The following AAAS variants were observed in gnomAD, a reference collection of about 807,000 sequenced individuals.
AAAS encodes aladin.
A neutral mutation model predicts 75.6 loss-of-function variants in AAAS; 60 were observed. That is an observed-to-expected ratio of 0.79 (90% CI 0.64 to 0.98). The LOEUF is 0.98. AAAS is among the 50% of genes least tolerant of loss of function. The pLI, the probability that AAAS is intolerant of heterozygous loss-of-function variation, is 0.00. For missense variants in AAAS, 658 were observed against 686.9 expected (o/e 0.96, Z 0.47); for synonymous variants, 271 against 265.0 (o/e 1.02, Z -0.22).
chr12:53,308,361 G>A lies in AAAS; in HGVS notation c.1182-12C>T. 1.2e-6 allele frequency: 2 copies of A among 1,614,170 alleles called. No homozygotes were observed. The highest frequency in any genetic ancestry group is 8.5e-7 in the Non-Finnish European group (1 of 1,180,028). On this transcript the variant is annotated splice_polypyrimidine_tract_variant and intron_variant, in intron 12 of 15. Coordinates refer to ENST00000209873, the MANE Select transcript of AAAS (RefSeq NM_015665.6). ...CCTCTCCCCCAAGCCTGTGGGTAAG[G>A]ACAGGTTAGGAGAGTTTCAGTGTGG...
chr12:53,308,814 G>A lies in AAAS; in HGVS notation c.998C>T (p.Thr333Ile), dbSNP rs1485071406. 3.1e-6 allele frequency: 5 copies of A among 1,614,052 alleles called. No homozygotes were observed. Among genetic ancestry groups the A allele is most frequent in the Non-Finnish European group, 4.2e-6 (5 of 1,180,040 alleles). ...RWPTLSGRCQ[T>I]GCWSPDGSRL... The stretch of plus-strand genomic sequence containing the variant: ...GCTGCCATCTGGGCTCCAGCAGCCA[G>A]TCTGGGGTCAGGGAGCAAAAGGCAG... Residue 333 changes from threonine (T) to isoleucine (I), a missense_variant and splice_region_variant, in exon 11 of 16, where the codon ACT becomes ATT. Transcript: ENST00000209873.
chr12:53,321,531 C>A lies in AAAS; in HGVS notation c.-66G>T, dbSNP rs1944558323. 1.6e-5 allele frequency: 26 copies of A among 1,610,004 alleles called. No individual in the cohort carries two copies. Among genetic ancestry groups the A allele is most frequent in the Non-Finnish European group, 2.2e-5 (26 of 1,179,516 alleles). ...GCCGGAACGGCACAGACCGCACTCC[C>A]GCAACTCGGTTCCCGGGCTAGATTC... On this transcript the variant is annotated 5_prime_UTR_variant, in exon 1 of 16. Coordinates refer to ENST00000209873, the MANE Select transcript of AAAS (RefSeq NM_015665.6).
chr12:53,321,344 T>G lies in AAAS; in HGVS notation c.122A>C (p.Gln41Pro). Reference protein sequence around the residue: ...YESPPPDFRGQWINLPVLQLT... With the variant: ...YESPPPDFRGPWINLPVLQLT... ...CCCCTCCCTCCTCGCCCTGGCCACCTGGCCCCGGAAGTCGGGGGGCGGGCT... is the reference window on the plus strand; with the variant it reads ...CCCCTCCCTCCTCGCCCTGGCCACCGGGCCCCGGAAGTCGGGGGGCGGGCT... Residue 41 changes from glutamine (Q) to proline (P), a missense_variant and splice_region_variant, in exon 1 of 16, where the codon CAG becomes CCG. Coordinates refer to ENST00000209873, the MANE Select transcript of AAAS (RefSeq NM_015665.6). 1 of 1,613,630 alleles carries G rather than the reference T, an allele frequency of 6.2e-7. No homozygotes were observed. The highest frequency in any genetic ancestry group is 8.5e-7 in the Non-Finnish European group (1 of 1,179,882).
intron 2 of AAAS, among the ~76,000 whole-genome samples, chr12:53,320,093 G>A (rs1944530005): frequency 6.6e-6 from 1 of 151,980 alleles, no homozygotes; most frequent in Non-Finnish European, 1.5e-5. Context: ...ACTCCAGCCT[G>A]GGCAACAAGA....
chr12:53,313,531 C>T (rs1944420907), intron 7 of AAAS, among the ~76,000 whole-genome samples: 1 of 151,996 alleles, frequency 6.6e-6, no homozygotes, highest in African/African-American at 2.4e-5. Flanking sequence ...AAACTCCTGA[C>T]CTCAGGTGAT....
At chr12:53,308,178 G>C (rs1377712749) in intron 13 of AAAS, 45 bp from the exon 14 acceptor site, 2 of 1,612,028 alleles carry the variant, frequency 1.2e-6, no homozygotes, top group Non-Finnish European at 1.7e-6. Context: ...TCTGAAGGCA[G>C]AGTCCCAGGA....
chr12:53,308,912 T>C (rs753037128), intron 10 of AAAS, 48 bp downstream of exon 10: 22 of 1,613,576 alleles, frequency 1.4e-5, no homozygotes, highest in Middle Eastern at 1.6e-4. Context: ...CAGGGGCCCA[T>C]TGGAATCATC....
At chr12:53,315,883 TCA>T in intron 2 of AAAS, 101 bp from the exon 3 acceptor site, 1 of 1,311,450 alleles carries the variant, frequency 7.6e-7, no homozygotes, top group Non-Finnish European at 1.1e-6. Flanking sequence ...ATATGGGCAC[TCA>T]CATTTAATGA....
In AAAS at chr12:53,308,824, A is replaced by G; in HGVS notation, c.997-9T>C. On this transcript the variant is annotated splice_polypyrimidine_tract_variant and intron_variant, in intron 10 of 15. Coordinates refer to ENST00000209873, the MANE Select transcript of AAAS (RefSeq NM_015665.6). ...GGGCTCCAGCAGCCAGTCTGGGGTC[A>G]GGGAGCAAAAGGCAGGAGAAGGTAT... 6.2e-7 allele frequency: 1 copy of G among 1,613,850 alleles called. No individual in the cohort carries two copies. The highest frequency in any genetic ancestry group is 2.2e-5 in the East Asian group (1 of 44,904).
At position 53,307,537 on chromosome 12, in the gene AAAS, G is replaced by C; in HGVS notation, c.1593C>G (p.Leu531=). Residue 531 remains leucine, a synonymous_variant, in exon 16 of 16, where the codon CTC becomes CTG. Transcript: ENST00000209873. ...TSPTSAPWDP[L]PGPPPVLPHS... is the part of the protein sequence containing the mutation. Reference sequence around the variant, plus strand: ...GGGGCAGAACAGGTGGTGGCCCTGGGAGAGGGTCCCAAGGGGCAGAGGTTG... The same window carrying C: ...GGGGCAGAACAGGTGGTGGCCCTGGCAGAGGGTCCCAAGGGGCAGAGGTTG... 1 of 1,614,198 alleles carries C rather than the reference G, an allele frequency of 6.2e-7. No homozygotes were observed. The highest frequency in any genetic ancestry group is 8.5e-7 in the Non-Finnish European group (1 of 1,180,018).
intron 7 of AAAS, 34 bp from the exon 8 acceptor site, chr12:53,309,755 G>A: frequency 6.2e-7 from 1 of 1,608,768 alleles, no homozygotes; most frequent in Non-Finnish European, 8.5e-7. Flanking sequence ...GGAGTCAGAA[G>A]ATGACAAGAA....
Position 53,320,702 on chromosome 12 carries a change from A to G in AAAS, c.124-10T>C, listed in dbSNP as rs1944539422. 2 of 1,613,854 alleles carry G rather than the reference A, an allele frequency of 1.2e-6. No homozygotes were observed. The highest frequency in any genetic ancestry group is 1.3e-5 in the African/African-American group (1 of 74,914). Reference sequence around the variant, plus strand: ...CAGGAAGATTGATCCACTATAGCACAAAAGTGAGGAGTGTGACGGTGATTC... The same window carrying G: ...CAGGAAGATTGATCCACTATAGCACGAAAGTGAGGAGTGTGACGGTGATTC... On this transcript the variant is annotated splice_polypyrimidine_tract_variant and intron_variant, in intron 1 of 15. Transcript: ENST00000209873.
chr12:53,309,081 C>T (rs1467548115), intron 9 of AAAS, 61 bp from the exon 10 acceptor site: 1 of 1,614,052 alleles, frequency 6.2e-7, no homozygotes, highest in Non-Finnish European at 8.5e-7. Context: ...TTGGACCTAC[C>T]TCCCTTGACA....
Position 53,321,409 on chromosome 12 carries a change from A to G in AAAS, c.57T>C (p.Tyr19=). The G allele has an allele frequency of 1.9e-6, 3 of 1,613,760 alleles. No homozygotes were observed. The highest frequency in any genetic ancestry group is 2.5e-6 in the Non-Finnish European group (3 of 1,179,750). Residue 19 remains tyrosine (Y), a synonymous_variant, in exon 1 of 16, where the codon TAT becomes TAC. Coordinates refer to ENST00000209873, the MANE Select transcript of AAAS (RefSeq NM_015665.6). ...CCGTCACCAGCTCGTTATTGTGCTC[A>G]TATAGGGTGACTTGACCCCGAGGCG... ...PPPPRGQVTL[Y]EHNNELVTGS... is the part of the protein sequence containing the mutation.
intron 8 of AAAS, 104 bp from the exon 9 acceptor site, chr12:53,309,385 G>A (rs1944350832): frequency 1.9e-6 from 3 of 1,562,964 alleles, no homozygotes; most frequent in East Asian, 4.5e-5. Context: ...GAGGAAGCGG[G>A]AGAGGGACTG....
Position 53,315,176 on chromosome 12 carries a change from C to G in AAAS, c.400-36G>C, listed in dbSNP as rs757269126. On this transcript the variant is annotated intron_variant, in intron 4 of 15. Coordinates refer to ENST00000209873, the MANE Select transcript of AAAS (RefSeq NM_015665.6). ...AAGATAGACACAGGACACACTGGGG[C>G]AAAAGGAGTCCATCTCCTCAATATT... 1.9e-6 allele frequency: 3 copies of G among 1,612,834 alleles called. No individual in the cohort carries two copies. The East Asian group carries it at 6.7e-5, about 36-fold the overall frequency.
In AAAS at chr12:53,315,339, A is replaced by G. The variant is rs777467437; in HGVS notation, c.395T>C (p.Leu132Pro). The G allele has an allele frequency of 5.6e-6, 9 of 1,614,190 alleles. No homozygotes were observed. The South Asian group carries it at 7.7e-5, about 14-fold the overall frequency. The change falls in exon 4 of 16, where the codon CTG becomes CCG. Residue 132 changes from leucine to proline, a missense_variant. Leu to Pro is a moderately conservative substitution (Grantham distance 98). Transcript: ENST00000209873. ...SSLHGSLFPHLSLRSEDLIAE... is the reference protein window; with the variant it reads ...SSLHGSLFPHPSLRSEDLIAE... ...TGGGGAGGAAGCCAAACTTACAGAC[A>G]GATGGGGGAACAGGGACCCATGGAG...
intron 2 of AAAS, among the ~76,000 whole-genome samples, chr12:53,317,230 C>T (rs1465513108): frequency 2.0e-5 from 3 of 151,984 alleles, no homozygotes; most frequent in Admixed American, 6.6e-5. Context: ...CGAGACCAGC[C>T]TGGTCAAGAT....
At chr12:53,308,877 T>C in intron 10 of AAAS, 62 bp from the exon 11 acceptor site, 3 of 1,613,100 alleles carry the variant, frequency 1.9e-6, no homozygotes, top group Non-Finnish European at 2.5e-6. Context: ...GGAGGGAAAG[T>C]AGAGGTGGCC....
Sources: allele counts gnomAD v4.1 joint callset (sites outside exome capture counted in the v4.1 genomes callset), GRCh38; gene constraint gnomAD v4.1.1; transcripts MANE v1.5; gene names NCBI Gene and HGNC (gene_info 2026-07-23, HGNC 2026-07-21).